Variants in CWC27 observed in about 807,000 individuals in gnomAD.
CWC27 encodes CWC27 spliceosome associated cyclophilin.
In CWC27, 47 loss-of-function variants were observed where a neutral mutation model predicts 63.6. The observed-to-expected ratio is 0.74, with a 90% CI of 0.58 to 0.94. CWC27 has a LOEUF of 0.94. Among genes scored for constraint, CWC27 ranks in the 40% least tolerant of loss-of-function variants. The pLI is 0.00. For missense variants in CWC27, 495 were observed against 554.3 expected, an observed-to-expected ratio of 0.89 and a Z score of 1.07; for synonymous variants, 175 against 179.8, an observed-to-expected ratio of 0.97 and a Z score of 0.22.
At chr5:65,016,378 G>A (rs905081800) in intron 13 of CWC27, among the ~76,000 whole-genome samples, 2 of 152,050 alleles carry the variant, frequency 1.3e-5, no homozygotes, top group African/African-American at 4.8e-5. Flanking sequence ...GCATGCGCTT[G>A]TAATCTCAGC....
At chr5:64,805,143 A>C (rs1031671095) in intron 10 of CWC27, among the ~76,000 whole-genome samples, 1 of 152,008 alleles carries the variant, frequency 6.6e-6, no homozygotes, top group Non-Finnish European at 1.5e-5. Context: ...TTTCTCAACC[A>C]CATGTAGAAA....
At position 64,804,362 on chromosome 5, in the gene CWC27, T is replaced by C; in HGVS notation, c.914T>C (p.Val305Ala). ...ANVKSAGEGE[V>A]EKKSVSRSEE... ...GTTAAATCAGCTGGAGAAGGAGAAG[T>C]GGAGAAGAAATCAGTCAGCCGCAGG... Residue 305 changes from valine to alanine, a missense_variant, in exon 10 of 14, where the codon GTG becomes GCG. By Grantham distance (64) the Val-to-Ala change is moderately conservative. This residue lies in a region of CWC27 where 463 missense variants were observed against 498.1 expected (regional missense o/e 0.93). Coordinates refer to ENST00000381070, the MANE Select transcript of CWC27 (RefSeq NM_005869.4). The C allele has an allele frequency of 3.1e-6, 5 of 1,607,916 alleles. No individual in the cohort carries two copies. Among genetic ancestry groups the C allele is most frequent in the Non-Finnish European group, 4.2e-6 (5 of 1,176,630 alleles).
At chr5:64,816,574 G>T (rs1357493898) in intron 10 of CWC27, among the ~76,000 whole-genome samples, 1 of 152,148 alleles carries the variant, frequency 6.6e-6, no homozygotes, top group Non-Finnish European at 1.5e-5. Context: ...GCTAAGGACG[G>T]TAGAATAGAG....
intron 11 of CWC27, among the ~76,000 whole-genome samples, chr5:64,947,205 G>T (rs1450372754): frequency 6.6e-6 from 1 of 152,068 alleles, no homozygotes; most frequent in East Asian, 1.9e-4. Flanking sequence ...CTCATCAGTA[G>T]GGTTGGCACC....
At chr5:64,887,918 A>G (rs993960753) in intron 11 of CWC27, among the ~76,000 whole-genome samples, 1 of 152,220 alleles carries the variant, frequency 6.6e-6, no homozygotes, top group Non-Finnish European at 1.5e-5. Flanking sequence ...CTAAGAAAGA[A>G]TTTTGCTAAG....
Position 64,862,681 on chromosome 5 carries a change from G to A in CWC27, c.939-22762G>A, listed in dbSNP as rs543250482. On this transcript the variant is annotated intron_variant, in intron 10 of 13. Coordinates refer to ENST00000381070, the MANE Select transcript of CWC27 (RefSeq NM_005869.4). ...CTGTATATGTCCAGATCCAGTCAAG[G>A]TTTACATGTTGAATTTTTTTTAGTC... 1.1e-3 allele frequency among the ~76,000 whole-genome samples: 166 copies of A among 152,210 alleles called. 1 individual carries two copies. Among genetic ancestry groups the A allele is most frequent in the Non-Finnish European group, 2.0e-3 (136 of 67,982 alleles).
intron 10 of CWC27, among the ~76,000 whole-genome samples, chr5:64,843,329 CACA>C (rs1395374610): frequency 5.9e-5 from 9 of 152,126 alleles, no homozygotes; most frequent in African/African-American, 2.2e-4. Flanking sequence ...CTTCCAGATT[CACA>C]ACAATAGAAA....
At chr5:64,970,352 A>G (rs1187174420) in intron 11 of CWC27, among the ~76,000 whole-genome samples, 1 of 151,760 alleles carries the variant, frequency 6.6e-6, no homozygotes, top group Non-Finnish European at 1.5e-5. Context: ...AGCTGGGACT[A>G]CAGGCGCCCG....
intron 13 of CWC27, among the ~76,000 whole-genome samples, chr5:64,996,749 G>A (rs757651798): frequency 9.2e-5 from 14 of 151,856 alleles, no homozygotes; most frequent in Non-Finnish European, 4.4e-5. Flanking sequence ...TTGCTTATAT[G>A]TAATATCACA....
intron 7 of CWC27, among the ~76,000 whole-genome samples, chr5:64,796,890 T>C (rs1228747201): frequency 9.0e-5 from 13 of 143,770 alleles, no homozygotes; most frequent in Admixed American, 7.6e-4. Flanking sequence ...TTTCCTCTCT[T>C]TCTGACTCCC....
At chr5:64,855,145 T>G (rs1746220663) in intron 10 of CWC27, among the ~76,000 whole-genome samples, 1 of 152,100 alleles carries the variant, frequency 6.6e-6, no homozygotes, top group Non-Finnish European at 1.5e-5. Flanking sequence ...ATATTAATGG[T>G]CTAACAATTA....
chr5:64,825,415 A>G (rs953565752), intron 10 of CWC27, among the ~76,000 whole-genome samples: 1 of 152,190 alleles, frequency 6.6e-6, no homozygotes, highest in African/African-American at 2.4e-5. Flanking sequence ...TGGAACTAAC[A>G]ATTTACCAAA....
chr5:64,878,559 T>G (rs1292509961), intron 10 of CWC27, among the ~76,000 whole-genome samples: 1 of 147,434 alleles, frequency 6.8e-6, no homozygotes, highest in East Asian at 2.0e-4. Context: ...TTTTGCATAT[T>G]ATATATGTTG....
chr5:64,830,594 A>C (rs1431670984), intron 10 of CWC27, among the ~76,000 whole-genome samples: 3 of 152,198 alleles, frequency 2.0e-5, no homozygotes, highest in Non-Finnish European at 4.4e-5. Flanking sequence ...ATTAAACTAA[A>C]GAGCTTCTGC....
intron 11 of CWC27, among the ~76,000 whole-genome samples, chr5:64,913,870 A>T (rs772499365): frequency 6.6e-6 from 1 of 152,122 alleles, no homozygotes; most frequent in Non-Finnish European, 1.5e-5. Context: ...AAATGTAAGC[A>T]GCAAAGACAG....
intron 10 of CWC27, among the ~76,000 whole-genome samples, chr5:64,884,845 A>G (rs1041758473): frequency 6.6e-6 from 1 of 152,216 alleles, no homozygotes; most frequent in East Asian, 1.9e-4. Context: ...TCTTTAACAC[A>G]TGATTATATT....
chr5:64,815,281 G>A (rs948754075), intron 10 of CWC27, among the ~76,000 whole-genome samples: 1 of 152,142 alleles, frequency 6.6e-6, no homozygotes, highest in Non-Finnish European at 1.5e-5. Flanking sequence ...ATCCTGATGG[G>A]CAGCTGTGGA....
intron 11 of CWC27, among the ~76,000 whole-genome samples, chr5:64,913,274 A>T (rs1326378078): frequency 6.6e-6 from 1 of 152,112 alleles, no homozygotes; most frequent in Non-Finnish European, 1.5e-5. Context: ...AACCTACAGC[A>T]AGTATTATAC....
chr5:64,999,672 C>CT (rs928860455), intron 13 of CWC27, among the ~76,000 whole-genome samples: 3 of 151,998 alleles, frequency 2.0e-5, no homozygotes, highest in African/African-American at 7.2e-5. Context: ...GGATTTCATT[C>CT]TTTTTTTATG....
Sources: gnomAD v4.1 joint callset for allele counts (sites outside exome capture counted in the v4.1 genomes callset) on GRCh38, gnomAD v4.1.1 for gene constraint, gnomAD v4.1.1 regional missense constraint, MANE v1.5 for transcripts, NCBI Gene and HGNC (gene_info 2026-07-23, HGNC 2026-07-21) for gene names.